ISM1: variants seen among roughly 807,000 people sequenced by gnomAD.
ISM1 encodes the protein isthmin 1, also known as isthmin-1.
In ISM1, 25 loss-of-function variants were observed where a neutral mutation model predicts 46.3. That is an observed-to-expected ratio of 0.54 (90% CI 0.39 to 0.75). ISM1 has a LOEUF of 0.75. Ranked by LOEUF, ISM1 falls within the 30% of genes least tolerant of loss-of-function variation. The pLI is 0.00. For missense variants in ISM1, 536 were observed against 625.4 expected (o/e 0.86, Z 1.52); for synonymous variants, 255 against 256.7 (o/e 0.99, Z 0.06).
At chr20:13,295,785 G>A (rs944708105) in intron 5 of ISM1, among the ~76,000 whole-genome samples, 15 of 152,300 alleles carry the variant, frequency 9.8e-5, no homozygotes, top group African/African-American at 2.9e-4. Context: ...GTCGCTTGTC[G>A]GGCGGTTCCC....
At chr20:13,303,745 C>G (rs1204417558), downstream of ISM1, among the ~76,000 whole-genome samples, 1 of 152,150 alleles carries the variant, frequency 6.6e-6, no homozygotes, top group Non-Finnish European at 1.5e-5. Flanking sequence ...ACGCCAGATA[C>G]CAGGGATACA....
chr20:13,302,559 A>G (rs971213111), downstream of ISM1, among the ~76,000 whole-genome samples: 11 of 152,208 alleles, frequency 7.2e-5, no homozygotes, highest in African/African-American at 1.7e-4. Context: ...GCAGTAGATC[A>G]TCTGCTCAAG....
intron 3 of ISM1, among the ~76,000 whole-genome samples, chr20:13,286,627 GGGA>G (rs1312407827): frequency 6.6e-6 from 1 of 152,170 alleles, no homozygotes; most frequent in Non-Finnish European, 1.5e-5. Context: ...CTCAGAGTTA[GGGA>G]GGAGGACACA....
chr20:13,313,337 A>C, the ISM1 span, among the ~76,000 whole-genome samples: 1 of 152,236 alleles, frequency 6.6e-6, no homozygotes, highest in Non-Finnish European at 1.5e-5. Context: ...AGTGAAGTGT[A>C]ACCTAACTGG....
intron 1 of ISM1, among the ~76,000 whole-genome samples, chr20:13,254,818 T>C (rs949806862): frequency 2.0e-5 from 3 of 152,192 alleles, no homozygotes; most frequent in African/African-American, 7.2e-5. Context: ...AATCCACACA[T>C]GGTTCGAGAG....
chr20:13,308,229 C>A, the ISM1 span, among the ~76,000 whole-genome samples: 1 of 152,118 alleles, frequency 6.6e-6, no homozygotes, highest in Non-Finnish European at 1.5e-5. Context: ...ATGAATGGCC[C>A]AGTGGGGGTG....
At position 13,299,310 on chromosome 20, in the gene ISM1, T is replaced by C. The variant is rs200138184; in HGVS notation, c.1246T>C (p.Tyr416His). ...ISTEFSAELH[Y>H]KVDVLPWIIC... is the part of the protein sequence containing the mutation. ...CACCGAGTTCTCCGCGGAGCTCCAC[T>C]ACAAGGTGGACGTCCTGCCCTGGAT... Residue 416 changes from tyrosine to histidine, a missense_variant, in exon 6 of 6, where the codon TAC becomes CAC. Tyr to His is a moderately conservative substitution (Grantham distance 83, BLOSUM62 2). Coordinates refer to ENST00000262487, the MANE Select transcript of ISM1 (RefSeq NM_080826.2). This position sits in a 1 kb window ranked among gnomAD's most constrained non-coding sequence, Gnocchi z 5.8. 10 of 1,613,840 alleles carry C rather than the reference T, an allele frequency of 6.2e-6. No homozygotes were observed. The East Asian group carries it at 2.2e-4, about 36-fold the overall frequency.
At chr20:13,229,168 G>GT (rs995412209) in intron 1 of ISM1, among the ~76,000 whole-genome samples, 7 of 143,030 alleles carry the variant, frequency 4.9e-5, no homozygotes, top group African/African-American at 1.8e-4. Flanking sequence ...ATTTTTTAAA[G>GT]TTTTTTAAAA....
At chr20:13,309,718 C>G in the ISM1 span, among the ~76,000 whole-genome samples, 2 of 151,938 alleles carry the variant, frequency 1.3e-5, no homozygotes, top group Admixed American at 1.3e-4. Context: ...CACCAAAAAG[C>G]TGATAGAATT....
intron 2 of ISM1, among the ~76,000 whole-genome samples, chr20:13,274,407 A>G (rs2040151626): frequency 6.6e-6 from 1 of 152,110 alleles, no homozygotes; most frequent in Non-Finnish European, 1.5e-5. Context: ...GCCCTTCAGT[A>G]GGTCAGCTTC....
intron 1 of ISM1, among the ~76,000 whole-genome samples, chr20:13,241,871 C>T (rs992308061): frequency 6.6e-6 from 1 of 152,008 alleles, no homozygotes; most frequent in African/African-American, 2.4e-5. Context: ...AGTTGGATCA[C>T]TGAGTTCAAC....
At chr20:13,279,504 C>G in intron 2 of ISM1, 130 bp from the exon 3 acceptor site, 1 of 871,122 alleles carries the variant, frequency 1.1e-6, no homozygotes, top group East Asian at 2.7e-5. Flanking sequence ...TATCGCCATG[C>G]AATCTCAGCT....
intron 4 of ISM1, among the ~76,000 whole-genome samples, chr20:13,291,489 A>G (rs2040352402): frequency 6.6e-6 from 1 of 152,194 alleles, no homozygotes; most frequent in South Asian, 2.1e-4. Flanking sequence ...AAGGAAATCA[A>G]GTCAGGGAAA....
chr20:13,315,534 G>A, the ISM1 span, among the ~76,000 whole-genome samples: 1 of 151,948 alleles, frequency 6.6e-6, no homozygotes, highest in Non-Finnish European at 1.5e-5. Flanking sequence ...CAAAATACAT[G>A]AGAAAGAAAC....
intron 1 of ISM1, among the ~76,000 whole-genome samples, chr20:13,257,325 G>A (rs555779496): frequency 6.6e-6 from 1 of 152,266 alleles, no homozygotes; most frequent in Admixed American, 6.5e-5. Flanking sequence ...GACCAGCCTG[G>A]CCAACATGGT....
At chr20:13,270,829 C>T in intron 2 of ISM1, 86 bp downstream of exon 2, 1 of 1,302,828 alleles carries the variant, frequency 7.7e-7, no homozygotes, top group South Asian at 1.3e-5. Flanking sequence ...TGCTGCCTTA[C>T]CTCACTTTTC....
the ISM1 span, among the ~76,000 whole-genome samples, chr20:13,321,200 T>C: frequency 5.6e-5 from 7 of 124,496 alleles, no homozygotes; most frequent in African/African-American, 2.4e-4. Flanking sequence ...AGACCCTGTC[T>C]CCAAAACAAT....
At chr20:13,305,958 C>G in the ISM1 span, among the ~76,000 whole-genome samples, 2 of 152,124 alleles carry the variant, frequency 1.3e-5, no homozygotes, top group Admixed American at 1.3e-4. Flanking sequence ...GAGTGGGGCA[C>G]TGGATTGAGA....
intron 2 of ISM1, among the ~76,000 whole-genome samples, chr20:13,274,560 C>G (rs1284789097): frequency 1.3e-5 from 2 of 152,214 alleles, no homozygotes; most frequent in Non-Finnish European, 1.5e-5. Context: ...CCCCTTCAGG[C>G]TCTGGAAGTG....
Sources: gnomAD v4.1 joint callset for allele counts (sites outside exome capture counted in the v4.1 genomes callset) on GRCh38, gnomAD v4.1.1 for gene constraint, Gnocchi (gnomAD v3.1) non-coding constraint, MANE v1.5 for transcripts, NCBI Gene and HGNC (gene_info 2026-07-23, HGNC 2026-07-21) for gene names.